EFCAB3: variants seen among roughly 807,000 people sequenced by gnomAD.
EFCAB3 encodes the protein EF-hand calcium-binding domain-containing protein 3.
A neutral mutation model predicts 42.2 loss-of-function variants in EFCAB3; 36 were observed. The observed-to-expected ratio is 0.85, with a 90% CI of 0.65 to 1.13. The LOEUF is 1.13. Ranked by LOEUF, EFCAB3 falls within the 50% of genes most tolerant of loss-of-function variation. EFCAB3 has a pLI of 0.00. For synonymous variants in EFCAB3, 170 were observed against 172.8 expected (o/e 0.98, Z 0.13); for missense variants, 418 against 505.1 (o/e 0.83, Z 1.65).
chr17:62,371,655 G>A (rs373294213), intron 1 of EFCAB3, among the ~76,000 whole-genome samples: 25 of 152,242 alleles, frequency 1.6e-4, no homozygotes, highest in African/African-American at 6.0e-4. Context: ...TATGATTCCA[G>A]CCTGAAAAAT....
At chr17:62,387,298 C>T in intron 2 of EFCAB3, 42 bp from the exon 3 acceptor site, 10 of 1,501,274 alleles carry the variant, frequency 6.7e-6, no homozygotes, top group Non-Finnish European at 9.2e-6. Flanking sequence ...CTGCTGGTTT[C>T]ACATAGGTAG....
At chr17:62,372,739 A>G (rs981005127) in intron 1 of EFCAB3, among the ~76,000 whole-genome samples, 1 of 152,112 alleles carries the variant, frequency 6.6e-6, no homozygotes, top group Admixed American at 6.6e-5. Context: ...CTTCAGATCA[A>G]CCTTTACATA....
At chr17:62,403,101 T>C (rs2070418282) in intron 6 of EFCAB3, among the ~76,000 whole-genome samples, 1 of 152,238 alleles carries the variant, frequency 6.6e-6, no homozygotes, top group African/African-American at 2.4e-5. Context: ...TATTCTCTGA[T>C]GGTAGTTTGT....
chr17:62,398,410 C>T (rs1255216018), intron 6 of EFCAB3, among the ~76,000 whole-genome samples: 1 of 147,708 alleles, frequency 6.8e-6, no homozygotes, highest in Non-Finnish European at 1.5e-5. Context: ...GCTGAGATCG[C>T]ACCACTGCAC....
intron 3 of EFCAB3, among the ~76,000 whole-genome samples, chr17:62,389,292 T>C (rs191465402): frequency 3.0e-4 from 45 of 152,228 alleles, no homozygotes; most frequent in African/African-American, 9.9e-4. Context: ...AGGCAGGTGG[T>C]TGAGGATATG....
chr17:62,407,588 C>A (rs1476199729), intron 8 of EFCAB3, among the ~76,000 whole-genome samples: 1 of 152,174 alleles, frequency 6.6e-6, no homozygotes, highest in Non-Finnish European at 1.5e-5. Flanking sequence ...AGGCCCGCAA[C>A]CCAAAGGGGC....
chr17:62,374,288 T>C (rs1341775043), intron 2 of EFCAB3, among the ~76,000 whole-genome samples: 1 of 151,948 alleles, frequency 6.6e-6, no homozygotes, highest in Non-Finnish European at 1.5e-5. Context: ...TGGTGAAACC[T>C]CATCTCTACT....
At chr17:62,396,312 A>C (rs4986766) in intron 6 of EFCAB3, among the ~76,000 whole-genome samples, 9,488 of 152,160 alleles carry the variant, frequency 0.062, 443 homozygotes, top group South Asian at 0.24. Context: ...CCCAGCACTT[A>C]GGGAGGCTGA....
At chr17:62,414,052 T>G (rs565780377) in intron 9 of EFCAB3, among the ~76,000 whole-genome samples, 198 bp downstream of exon 9, 1 of 152,396 alleles carries the variant, frequency 6.6e-6, no homozygotes, top group East Asian at 1.9e-4. Context: ...TTAAGTGTTA[T>G]GATTCATCCT....
upstream of EFCAB3, among the ~76,000 whole-genome samples, chr17:62,375,964 T>C (rs866381020): frequency 1.3e-5 from 2 of 152,182 alleles, no homozygotes; most frequent in Admixed American, 6.6e-5. Flanking sequence ...TTATCAAACA[T>C]ATACATTTCA....
chr17:62,396,824 A>C (rs920026113), intron 6 of EFCAB3, among the ~76,000 whole-genome samples: 2 of 152,136 alleles, frequency 1.3e-5, no homozygotes, highest in African/African-American at 4.8e-5. Context: ...GGTTACAGTG[A>C]GCTGTGATTG....
At chr17:62,386,859 A>G (rs140212614) in intron 2 of EFCAB3, among the ~76,000 whole-genome samples, 3,072 of 151,970 alleles carry the variant, frequency 0.02, 116 homozygotes, top group African/African-American at 0.07. Context: ...TGCAATCATG[A>G]CTCAGTGCAG....
intron 6 of EFCAB3, 107 bp from the exon 7 acceptor site, chr17:62,406,373 A>T: frequency 1.1e-6 from 1 of 875,278 alleles, no homozygotes; most frequent in Non-Finnish European, 1.7e-6. Context: ...TATGCAAATT[A>T]GATTTAAAAT....
At chr17:62,382,000 T>C in intron 1 of EFCAB3, 1 of 248,246 alleles carries the variant, frequency 4.0e-6, no homozygotes, top group South Asian at 5.5e-5. Flanking sequence ...ACATGGGATT[T>C]GGTCTCTTTT....
intron 2 of EFCAB3, among the ~76,000 whole-genome samples, chr17:62,383,427 T>G (rs1340496180): frequency 6.6e-6 from 1 of 152,118 alleles, no homozygotes; most frequent in African/African-American, 2.4e-5. Flanking sequence ...TGAGTTGACA[T>G]TGTGCCACTG....
chr17:62,395,339 A>T, intron 6 of EFCAB3, 151 bp downstream of exon 6: 1 of 993,846 alleles, frequency 1.0e-6, no homozygotes, highest in Admixed American at 2.8e-5. Context: ...CTTGTGCTAC[A>T]ACATGAGACC....
intron 2 of EFCAB3, among the ~76,000 whole-genome samples, chr17:62,374,413 A>G (rs941910022): frequency 1.3e-5 from 2 of 152,160 alleles, no homozygotes; most frequent in Non-Finnish European, 2.9e-5. Context: ...GCGAGCCGAG[A>G]TTGTGCCATT....
chr17:62,383,711 G>T (rs1204013680), intron 2 of EFCAB3, among the ~76,000 whole-genome samples: 3 of 152,032 alleles, frequency 2.0e-5, no homozygotes, highest in Non-Finnish European at 4.4e-5. Flanking sequence ...ATACCCTAGG[G>T]GGCTCAAGAA....
chr17:62,379,472 G>A (rs943358804), upstream of EFCAB3, among the ~76,000 whole-genome samples: 2 of 151,174 alleles, frequency 1.3e-5, no homozygotes, highest in African/African-American at 4.9e-5. Flanking sequence ...TAGGCTCTTA[G>A]TAAATAATTG....
Sources: allele counts gnomAD v4.1 joint callset (sites outside exome capture counted in the v4.1 genomes callset), GRCh38; gene constraint gnomAD v4.1.1; transcripts MANE v1.5; gene names NCBI Gene and HGNC (gene_info 2026-07-23, HGNC 2026-07-21).